Variants in KCNN2 observed in about 807,000 individuals in gnomAD.
KCNN2 encodes the protein potassium calcium-activated channel subfamily N member 2, also known as small conductance calcium-activated potassium channel protein 2.
A neutral mutation model predicts 55.5 loss-of-function variants in KCNN2; 24 were observed. That is an observed-to-expected ratio of 0.43 (90% CI 0.31 to 0.61). The LOEUF (loss-of-function observed/expected upper bound fraction) is 0.61, where lower values mean the gene tolerates loss of function less well. Among genes scored for constraint, KCNN2 ranks in the 20% least tolerant of loss-of-function variants. The pLI is 0.08. For missense variants in KCNN2, 754 were observed against 853.6 expected (o/e 0.88, Z 1.45); for synonymous variants, 431 against 336.1 (o/e 1.28, Z -3.09).
At chr5:114,256,363 A>G (rs991623186) in intron 2 of KCNN2, among the ~76,000 whole-genome samples, 8 of 152,184 alleles carry the variant, frequency 5.3e-5, no homozygotes, top group African/African-American at 9.7e-5. Context: ...TATTTTTGGT[A>G]TAATGATTGC....
At chr5:114,130,953 A>C (rs1752059517) in intron 1 of KCNN2, among the ~76,000 whole-genome samples, 2 of 152,224 alleles carry the variant, frequency 1.3e-5, no homozygotes, top group African/African-American at 4.8e-5. Flanking sequence ...AGTCTGGGAC[A>C]AACTTCAAAC....
At position 114,377,157 on chromosome 5, in the gene KCNN2, C is replaced by G. The variant is rs185127560; in HGVS notation, c.1218+13156C>G. On this transcript the variant is annotated intron_variant, in intron 2 of 7. Transcript: ENST00000673685. ...TAATGGATCCTTTTGAGGAGCAGCT[C>G]TTCCTACCCAGTGCTCACTGAGTCC... 3.7e-3 allele frequency among the ~76,000 whole-genome samples: 563 copies of G among 152,298 alleles called. 3 individuals carry two copies. Among genetic ancestry groups the G allele is most frequent in the African/African-American group, 0.013 (527 of 41,568 alleles).
At chr5:114,299,755 C>T (rs1249621527) in intron 2 of KCNN2, among the ~76,000 whole-genome samples, 1 of 152,168 alleles carries the variant, frequency 6.6e-6, no homozygotes, top group Admixed American at 6.5e-5. Flanking sequence ...TCCTTTGAGT[C>T]TTCCAGTTTA....
At chr5:114,158,524 T>C (rs1226152633) in intron 1 of KCNN2, among the ~76,000 whole-genome samples, 1 of 152,058 alleles carries the variant, frequency 6.6e-6, no homozygotes, top group Non-Finnish European at 1.5e-5. Flanking sequence ...AAGTAGTTTT[T>C]TCCAATTCTG....
At chr5:114,392,557 G>C (rs1758477309) in intron 2 of KCNN2, among the ~76,000 whole-genome samples, 1 of 152,162 alleles carries the variant, frequency 6.6e-6, no homozygotes, top group Non-Finnish European at 1.5e-5. Flanking sequence ...CGTTTCTTCT[G>C]AGTTTTGCTC....
intron 1 of KCNN2, 122 bp downstream of exon 1, chr5:114,363,383 C>A: frequency 1.6e-6 from 2 of 1,252,662 alleles, no homozygotes; most frequent in South Asian, 1.6e-5. Flanking sequence ...GGGAGCCCGC[C>A]AGGACAGCGG....
intron 2 of KCNN2, among the ~76,000 whole-genome samples, chr5:114,326,289 A>G (rs1221053349): frequency 1.3e-5 from 2 of 152,152 alleles, no homozygotes; most frequent in Admixed American, 6.5e-5. Context: ...GGGGATAGGG[A>G]ACATTCCAGG....
At chr5:114,206,297 ATT>A (rs1753766249) in intron 1 of KCNN2, among the ~76,000 whole-genome samples, 2 of 151,990 alleles carry the variant, frequency 1.3e-5, no homozygotes. Flanking sequence ...GCTCTTAAAC[ATT>A]TCCTTCTTCT....
chr5:114,199,089 C>A (rs879792766), intron 1 of KCNN2, among the ~76,000 whole-genome samples: 6 of 151,952 alleles, frequency 3.9e-5, no homozygotes, highest in Non-Finnish European at 8.8e-5. Flanking sequence ...GTATTTGTTT[C>A]ATGAATTTGG....
chr5:114,324,680 C>T (rs536045184), intron 2 of KCNN2, among the ~76,000 whole-genome samples: 1 of 152,192 alleles, frequency 6.6e-6, no homozygotes, highest in African/African-American at 2.4e-5. Context: ...TTTGTTACAG[C>T]AGCAATAGAC....
At chr5:114,094,873 A>G (rs753943835) in intron 1 of KCNN2, among the ~76,000 whole-genome samples, 7 of 151,968 alleles carry the variant, frequency 4.6e-5, no homozygotes, top group African/African-American at 1.7e-4. Context: ...ACAATGGAGT[A>G]CTCAATGCTT....
At chr5:114,221,402 A>T (rs1251989888) in intron 1 of KCNN2, among the ~76,000 whole-genome samples, 1 of 152,242 alleles carries the variant, frequency 6.6e-6, no homozygotes, top group Admixed American at 6.5e-5. Context: ...ACCTCAGATT[A>T]TACAATACAA....
intron 1 of KCNN2, among the ~76,000 whole-genome samples, chr5:114,147,602 A>G (rs4368718): frequency 0.84 from 127,775 of 152,130 alleles, 54,206 homozygotes; most frequent in East Asian, 0.94. Context: ...TCTTTCACTC[A>G]TTGTTCTACA....
intron 3 of KCNN2, among the ~76,000 whole-genome samples, chr5:114,420,559 T>C (rs765241390): frequency 5.3e-5 from 8 of 152,218 alleles, no homozygotes; most frequent in Non-Finnish European, 4.4e-5. Flanking sequence ...AGACCTCTTA[T>C]GAAGTTTGCC....
At chr5:114,292,052 T>C (rs1375823295) in intron 2 of KCNN2, among the ~76,000 whole-genome samples, 7 of 152,094 alleles carry the variant, frequency 4.6e-5, no homozygotes, top group Admixed American at 4.6e-4. Flanking sequence ...GTTTGTTTCT[T>C]GTAAATTTGT....
intron 1 of KCNN2, among the ~76,000 whole-genome samples, chr5:114,214,456 C>T (rs1349431553): frequency 6.6e-6 from 1 of 152,040 alleles, no homozygotes; most frequent in African/African-American, 2.4e-5. Flanking sequence ...TTGATTATTA[C>T]ATTCTTGGTA....
chr5:114,247,470 C>T (rs1417518019), intron 2 of KCNN2, among the ~76,000 whole-genome samples: 1 of 152,016 alleles, frequency 6.6e-6, no homozygotes, highest in Non-Finnish European at 1.5e-5. Context: ...CAAAGGTCAG[C>T]AAAGTGCTGA....
chr5:114,294,770 T>G (rs1417737400), intron 2 of KCNN2, among the ~76,000 whole-genome samples: 2 of 152,186 alleles, frequency 1.3e-5, no homozygotes, highest in African/African-American at 4.8e-5. Context: ...GTGTCATTGA[T>G]CTGTCTAATG....
intron 1 of KCNN2, among the ~76,000 whole-genome samples, chr5:114,153,571 G>A (rs1160751576): frequency 1.3e-5 from 2 of 152,178 alleles, no homozygotes; most frequent in African/African-American, 2.4e-5. Flanking sequence ...AAACCCTAAT[G>A]TCCACAAGGC....
Sources: allele counts gnomAD v4.1 joint callset (sites outside exome capture counted in the v4.1 genomes callset), GRCh38; gene constraint gnomAD v4.1.1; transcripts MANE v1.5; gene names NCBI Gene and HGNC (gene_info 2026-07-23, HGNC 2026-07-21).